COL28A1: variants seen among roughly 807,000 people sequenced by gnomAD.
The protein encoded by COL28A1 is collagen type XXVIII alpha 1 chain, also known as collagen alpha-1(XXVIII) chain.
A neutral mutation model predicts 150.2 loss-of-function variants in COL28A1; 161 were observed. The ratio of observed to expected loss-of-function variants is 1.07; its 90% CI spans 0.94 to 1.22. The LOEUF (loss-of-function observed/expected upper bound fraction) is 1.22, where lower values mean the gene tolerates loss of function less well. Ranked by LOEUF, COL28A1 falls within the 50% of genes most tolerant of loss-of-function variation. The pLI, the probability that COL28A1 is intolerant of heterozygous loss-of-function variation, is 0.00. For synonymous variants in COL28A1, 552 were observed against 469.7 expected, an observed-to-expected ratio of 1.18 and a Z score of -2.26; for missense variants, 1,617 against 1,388.3, an observed-to-expected ratio of 1.16 and a Z score of -2.62.
chr7:7,478,953 G>A (rs116940061), intron 13 of COL28A1, among the ~76,000 whole-genome samples: 15,289 of 152,286 alleles, frequency 0.1, 924 homozygotes, highest in Middle Eastern at 0.21. Flanking sequence ...TGAGGGAGCC[G>A]GCTCAGCCCT....
rs17167927 is a variant in COL28A1, at chr7:7,453,466, C to T, written c.1414G>A (p.Ala472Thr). Residue 472 changes from alanine to threonine, a missense_variant, in exon 17 of 35, where the codon GCA (alanine) becomes ACA (threonine). Transcript: ENST00000399429. ...PIGPPGPQGP[A>T]GQGLPGSKGE... Reference sequence around the variant, plus strand: ...TTGGAACCAGGTAAGCCCTGTCCTGCGGGCCCTTGTGGACCAGGTGGACCA... The same window carrying T: ...TTGGAACCAGGTAAGCCCTGTCCTGTGGGCCCTTGTGGACCAGGTGGACCA... 74 of 1,305,884 alleles carry T rather than the reference C, an allele frequency of 5.7e-5. No individual in the cohort carries two copies. The East Asian group carries it at 8.3e-4, about 15-fold the overall frequency. The allele number at this position is 1,305,884 out of a possible 1,614,324, so 80.9% of individuals were successfully genotyped here.
rs143560887 is a variant in COL28A1, at chr7:7,436,959, C to T, written c.1791+435G>A. Reference sequence around the variant, plus strand: ...TGGCTGAGGCAAGAGAATCACTTGACCCCAAGAAGTGGAGGTTGCAGTGAG... The same window carrying T: ...TGGCTGAGGCAAGAGAATCACTTGATCCCAAGAAGTGGAGGTTGCAGTGAG... On this transcript the variant is annotated intron_variant, in intron 22 of 34. Transcript: ENST00000399429. 2.1e-4 allele frequency among the ~76,000 whole-genome samples: 32 copies of T among 152,256 alleles called. No individual in the cohort carries two copies. In the East Asian group the frequency reaches 5.2e-3, roughly 25 times the overall value.
intron 4 of COL28A1, among the ~76,000 whole-genome samples, chr7:7,522,698 G>T (rs183344268): frequency 6.6e-6 from 1 of 151,244 alleles, no homozygotes; most frequent in East Asian, 1.9e-4. Context: ...AAATGATTCA[G>T]ATTTACCAGG....
chr7:7,453,324 G>C, intron 17 of COL28A1, 116 bp downstream of exon 17: 1 of 739,790 alleles, frequency 1.4e-6, no homozygotes, highest in Non-Finnish European at 2.4e-6. Flanking sequence ...GCATTAAGTA[G>C]AGATCTCTGA....
intron 3 of COL28A1, among the ~76,000 whole-genome samples, chr7:7,529,527 A>G (rs987295129): frequency 7.2e-5 from 11 of 152,184 alleles, no homozygotes; most frequent in African/African-American, 2.7e-4. Context: ...AAGGAAGAGC[A>G]GTATTCAGTC....
At chr7:7,432,155 G>C (rs893918462) in intron 25 of COL28A1, among the ~76,000 whole-genome samples, 13 of 152,154 alleles carry the variant, frequency 8.5e-5, no homozygotes, top group African/African-American at 3.1e-4. Flanking sequence ...AAAGCCATGG[G>C]GCTGGACGAG....
intron 11 of COL28A1, 113 bp from the exon 12 acceptor site, chr7:7,490,759 C>G (rs1779872560): frequency 5.6e-6 from 3 of 538,888 alleles, no homozygotes. Context: ...AACAACAAAC[C>G]TGTACATCGT....
chr7:7,536,315 AT>A (rs1404852202), upstream of COL28A1, among the ~76,000 whole-genome samples: 2 of 152,054 alleles, frequency 1.3e-5, no homozygotes, highest in Non-Finnish European at 2.9e-5. Context: ...GATTTTTGAA[AT>A]TTTTTATAAT....
chr7:7,354,165 T>A (rs1203584590), downstream of COL28A1, among the ~76,000 whole-genome samples: 2 of 152,108 alleles, frequency 1.3e-5, no homozygotes, highest in Non-Finnish European at 2.9e-5. Context: ...GCTAATTTTT[T>A]AAATTTTTTG....
In COL28A1 at chr7:7,392,178, G is replaced by A. The variant is rs189623807; in HGVS notation, c.2137-10566C>T. Among the ~76,000 whole-genome samples, 93 of 152,286 alleles carry A rather than the reference G, an allele frequency of 6.1e-4. 1 individual carries two copies. Among genetic ancestry groups the A allele is most frequent in the Non-Finnish European group, 1.1e-3 (76 of 68,028 alleles). ...GCTCTTGTAAGGCAGGCCCAGTGGT[G>A]ACAAAATCTCTCAGCATTTGTTTGT... On this transcript the variant is annotated intron_variant, in intron 27 of 34. Coordinates refer to ENST00000399429, the MANE Select transcript of COL28A1 (RefSeq NM_001037763.3).
intron 27 of COL28A1, among the ~76,000 whole-genome samples, chr7:7,393,659 A>C (rs1317515337): frequency 6.6e-6 from 1 of 152,068 alleles, no homozygotes; most frequent in African/African-American, 2.4e-5. Flanking sequence ...ACCAGAGAGG[A>C]CGAATCTAGA....
Position 7,375,150 on chromosome 7 carries a change from G to A in COL28A1, c.2359+311C>T, listed in dbSNP as rs569811295. On this transcript the variant is annotated intron_variant, in intron 31 of 34. Coordinates refer to ENST00000399429, the MANE Select transcript of COL28A1 (RefSeq NM_001037763.3). ...TCATATTTCCTTTGTTGAGTTTTTC[G>A]TCTCAGCTCAGGTAAATGTCACTGA... Among the ~76,000 whole-genome samples, 8 of 152,236 alleles carry A rather than the reference G, an allele frequency of 5.3e-5. 2 individuals are homozygous for A. Among genetic ancestry groups the A allele is most frequent in the South Asian group, 2.1e-4 (1 of 4,822 alleles).
downstream of COL28A1, among the ~76,000 whole-genome samples, chr7:7,354,703 T>C (rs1035967474): frequency 2.6e-5 from 4 of 152,212 alleles, no homozygotes; most frequent in South Asian, 8.3e-4. Flanking sequence ...CTTAAAATAT[T>C]GGGACACTTC....
At chr7:7,391,428 T>C (rs1782533950) in intron 27 of COL28A1, among the ~76,000 whole-genome samples, 1 of 152,198 alleles carries the variant, frequency 6.6e-6, no homozygotes, top group South Asian at 2.1e-4. Context: ...AAGGGTGATG[T>C]AGTGCTGAGA....
Position 7,531,532 on chromosome 7 carries a change from G to A in COL28A1, c.497C>T (p.Pro166Leu). The A allele has an allele frequency of 1.2e-6, 2 of 1,611,314 alleles. No homozygotes were observed. Among genetic ancestry groups the A allele is most frequent in the Non-Finnish European group, 1.7e-6 (2 of 1,177,690 alleles). Residue 166 changes from proline (P) to leucine (L), a missense_variant, in exon 3 of 35, where the codon CCA becomes CTA. Transcript: ENST00000399429. ...AATACTTTGAACATCTGGATTCTTT[G>A]GATGGTCGATGCCATCAGTCATCAG... ...VLLMTDGIDH[P>L]KNPDVQSISE...
intron 15 of COL28A1, among the ~76,000 whole-genome samples, chr7:7,459,567 T>C (rs1787443367): frequency 6.6e-6 from 1 of 152,228 alleles, no homozygotes. Context: ...AGTTCTCTGC[T>C]TTTTTATACA....
chr7:7,462,577 G>C (rs1402678376), intron 15 of COL28A1, among the ~76,000 whole-genome samples: 2 of 152,190 alleles, frequency 1.3e-5, no homozygotes, highest in East Asian at 3.9e-4. Context: ...CAGAAATGCA[G>C]GCTGAGCACG....
chr7:7,370,688 A>G (rs765026338), intron 33 of COL28A1, 37 bp downstream of exon 33: 1 of 1,561,604 alleles, frequency 6.4e-7, no homozygotes, highest in Non-Finnish European at 8.8e-7. Context: ...AGAATACACC[A>G]TTTTAAGCTC....
intron 25 of COL28A1, among the ~76,000 whole-genome samples, chr7:7,431,818 G>A (rs1784996675): frequency 6.6e-6 from 1 of 152,158 alleles, no homozygotes; most frequent in Non-Finnish European, 1.5e-5. Flanking sequence ...TTGTCTGCCT[G>A]GCAGAAGCAG....
Sources: allele counts gnomAD v4.1 joint callset (sites outside exome capture counted in the v4.1 genomes callset), GRCh38; gene constraint gnomAD v4.1.1; transcripts MANE v1.5; gene names NCBI Gene and HGNC (gene_info 2026-07-23, HGNC 2026-07-21).